The following IFT74 variants were observed in gnomAD, a reference collection of about 807,000 sequenced individuals.
IFT74 encodes intraflagellar transport 74.
A neutral mutation model predicts 96.7 loss-of-function variants in IFT74; 92 were observed. The observed-to-expected ratio is 0.95, with a 90% confidence interval of 0.80 to 1.13. The LOEUF (loss-of-function observed/expected upper bound fraction) is 1.13, where lower values mean the gene tolerates loss of function less well. IFT74 is among the 50% of genes most tolerant of loss of function. The pLI, the probability that IFT74 is intolerant of heterozygous loss-of-function variation, is 0.00. For missense variants in IFT74, 811 were observed against 698.2 expected (o/e 1.16, Z -1.82); for synonymous variants, 223 against 213.2 (o/e 1.05, Z -0.40).
intron 9 of IFT74, 146 bp from the exon 10 acceptor site, chr9:27,011,760 G>T: frequency 2.4e-6 from 1 of 415,460 alleles, no homozygotes; most frequent in East Asian, 3.7e-5. Context: ...TAAGATGCCA[G>T]TGAAGATATT....
At chr9:26,963,101 C>T (rs1025049995) in intron 2 of IFT74, among the ~76,000 whole-genome samples, 1 of 152,056 alleles carries the variant, frequency 6.6e-6, no homozygotes, top group Non-Finnish European at 1.5e-5. Context: ...GATGCTATCC[C>T]TCCTCTCTCC....
intron 2 of IFT74, among the ~76,000 whole-genome samples, chr9:26,965,000 G>A (rs961574039): frequency 3.3e-5 from 5 of 151,982 alleles, no homozygotes; most frequent in Admixed American, 2.0e-4. Flanking sequence ...TTACATTTTC[G>A]TTATCATTAT....
intron 2 of IFT74, among the ~76,000 whole-genome samples, chr9:26,965,981 A>G (rs1826591233): frequency 6.6e-6 from 1 of 152,008 alleles, no homozygotes; most frequent in African/African-American, 2.4e-5. Flanking sequence ...ATGGCAGAGT[A>G]GTGTTTCATA....
intron 2 of IFT74, chr9:26,976,835 C>T (rs937393154): frequency 8.8e-6 from 4 of 452,940 alleles, no homozygotes; most frequent in East Asian, 1.4e-4. Flanking sequence ...TTCCTGAGGT[C>T]GTATAGTGTT....
intron 2 of IFT74, among the ~76,000 whole-genome samples, chr9:26,963,887 C>G (rs527423519): frequency 6.6e-6 from 1 of 152,032 alleles, no homozygotes. Flanking sequence ...GAGTAGGTTG[C>G]GAAAATGTTC....
chr9:27,000,412 T>C (rs1000483613), intron 8 of IFT74, among the ~76,000 whole-genome samples: 1 of 152,222 alleles, frequency 6.6e-6, no homozygotes, highest in Non-Finnish European at 1.5e-5. Flanking sequence ...AGGCATTATC[T>C]ATTGGCATTA....
intron 8 of IFT74, chr9:26,995,475 T>C (rs1828095443): frequency 8.8e-7 from 1 of 1,132,596 alleles, no homozygotes; most frequent in East Asian, 2.6e-5. Context: ...ATATCTAAAC[T>C]GAGTGAGCTG....
chr9:27,007,182 A>G (rs1828838851), intron 8 of IFT74, among the ~76,000 whole-genome samples: 1 of 152,148 alleles, frequency 6.6e-6, no homozygotes, highest in Non-Finnish European at 1.5e-5. Context: ...TTTACTGCCA[A>G]GTTATAACAG....
chr9:27,044,890 G>T (rs975311989), intron 14 of IFT74, 95 bp downstream of exon 14: 2 of 627,756 alleles, frequency 3.2e-6, no homozygotes, highest in African/African-American at 1.9e-5. Context: ...AGATATAATG[G>T]CTAATAAATG....
chr9:27,023,900 A>T (rs1829730016), intron 12 of IFT74, among the ~76,000 whole-genome samples: 1 of 152,166 alleles, frequency 6.6e-6, no homozygotes, highest in South Asian at 2.1e-4. Context: ...TCGTAGCCAA[A>T]GACAAAAGAC....
chr9:27,005,362 C>T (rs1048870670), intron 8 of IFT74, among the ~76,000 whole-genome samples: 1 of 20,928 alleles, frequency 4.8e-5, no homozygotes, highest in African/African-American at 1.5e-4. Flanking sequence ...TCCCCCCCCG[C>T]CCCCCGCAAA....
intron 2 of IFT74, among the ~76,000 whole-genome samples, chr9:26,963,492 T>G (rs1461200398): frequency 2.0e-5 from 3 of 150,664 alleles, no homozygotes; most frequent in Non-Finnish European, 4.4e-5. Context: ...GATGGCTGGG[T>G]CAAATGGTAT....
chr9:26,995,970 T>G, intron 8 of IFT74: 1 of 758,448 alleles, frequency 1.3e-6, no homozygotes, highest in Non-Finnish European at 2.0e-6. Flanking sequence ...CATTGTAGTT[T>G]TCTTTAGATT....
chr9:27,033,067 T>C (rs1437788856), intron 13 of IFT74, among the ~76,000 whole-genome samples: 2 of 152,216 alleles, frequency 1.3e-5, no homozygotes, highest in Non-Finnish European at 2.9e-5. Context: ...GTTTACAGTT[T>C]AATGTTTAGG....
rs1386131763 is a variant in IFT74 at position 27,065,728 on chromosome 9, A to G, written c.*2992A>G. 2.6e-5 allele frequency among the ~76,000 whole-genome samples: 4 copies of G among 152,160 alleles called. No homozygotes were observed. The highest frequency in any genetic ancestry group is 4.4e-5 in the Non-Finnish European group (3 of 68,026). On this transcript the variant is annotated 3_prime_UTR_variant, in exon 20 of 20. Transcript: ENST00000380062. ...TGCTGTTCCCTTGCTCAGTTTCTCT[A>G]GACTTCTTTCCTTTTGCTATACAAT...
chr9:27,041,568 T>C (rs1377392012), intron 13 of IFT74, among the ~76,000 whole-genome samples: 1 of 152,182 alleles, frequency 6.6e-6, no homozygotes, highest in African/African-American at 2.4e-5. Context: ...TGTGTCCCTT[T>C]CCCTCTCCCT....
intron 12 of IFT74, among the ~76,000 whole-genome samples, chr9:27,020,812 T>C (rs1829565333): frequency 6.6e-6 from 1 of 151,960 alleles, no homozygotes; most frequent in African/African-American, 2.4e-5. Context: ...GAACAGGTGG[T>C]ATTTGGTTAC....
intron 6 of IFT74, 84 bp from the exon 7 acceptor site, chr9:26,988,585 A>ACCAC (rs2131549703): frequency 1.6e-6 from 2 of 1,230,112 alleles, no homozygotes; most frequent in South Asian, 3.1e-5. Context: ...TATTTGTAAG[A>ACCAC]CTGAATACCT....
At chr9:27,036,057 ATAAAG>A (rs1221704836) in intron 13 of IFT74, among the ~76,000 whole-genome samples, 2 of 152,258 alleles carry the variant, frequency 1.3e-5, no homozygotes, top group African/African-American at 4.8e-5. Context: ...TATTCTTACA[ATAAAG>A]TAAGCTAGAG....
Sources: gnomAD v4.1 joint callset for allele counts (sites outside exome capture counted in the v4.1 genomes callset) on GRCh38, gnomAD v4.1.1 for gene constraint, MANE v1.5 for transcripts, NCBI Gene and HGNC (gene_info 2026-07-23, HGNC 2026-07-21) for gene names.